The following CEP350 variants were observed in gnomAD, a reference collection of about 807,000 sequenced individuals.
CEP350 encodes centrosomal protein 350, also known as centrosome-associated protein 350.
Under a neutral mutation model 331.8 loss-of-function variants are expected in CEP350, and 126 were observed. The ratio of observed to expected loss-of-function variants is 0.38; its 90% CI spans 0.33 to 0.44. CEP350 has a LOEUF of 0.44. CEP350 is among the 20% of genes least tolerant of loss of function. CEP350 has a pLI of 1.00. For missense variants in CEP350, 3,406 were observed against 3,634.6 expected (o/e 0.94, Z 1.62); for synonymous variants, 1,200 against 1,259.5 (o/e 0.95, Z 1.00).
chr1:180,031,279 C>T, intron 14 of CEP350, 41 bp from the exon 15 acceptor site: 1 of 1,213,744 alleles, frequency 8.2e-7, no homozygotes, highest in Non-Finnish European at 1.2e-6. Context: ...TCAATAACTT[C>T]TAATATTGGG....
At chr1:179,968,918 C>G in intron 1 of CEP350, 1 of 756,492 alleles carries the variant, frequency 1.3e-6, no homozygotes, top group South Asian at 1.3e-5. Context: ...TTGAAGTTTG[C>G]TGCTGCCACT....
chr1:179,956,090 T>C (rs572335286), intron 1 of CEP350, among the ~76,000 whole-genome samples: 2 of 152,352 alleles, frequency 1.3e-5, no homozygotes, highest in East Asian at 3.9e-4. Context: ...TCGTTTAATA[T>C]ATTGTTTTTA....
At chr1:180,018,803 T>C (rs185887781) in intron 11 of CEP350, among the ~76,000 whole-genome samples, 1 of 151,902 alleles carries the variant, frequency 6.6e-6, no homozygotes, top group East Asian at 1.9e-4. Flanking sequence ...GTCATCATCC[T>C]AAAATAATGG....
intron 37 of CEP350, among the ~76,000 whole-genome samples, chr1:180,105,395 C>T (rs1443038432): frequency 6.6e-6 from 1 of 152,068 alleles, no homozygotes; most frequent in East Asian, 1.9e-4. Context: ...ATTCATATCT[C>T]CAGCCTAGGA....
chr1:179,969,016 GT>G lies in CEP350; in HGVS notation c.-14+13877del, dbSNP rs1399676043. ...CTTCCGGGAGCCATGGCTTGTGGTGGTTTGACCACCAGCCTCAAACTGAAGC... is the reference window on the plus strand; with the variant it reads ...CTTCCGGGAGCCATGGCTTGTGGTGGTTGACCACCAGCCTCAAACTGAAGC... On this transcript the variant is annotated intron_variant, in intron 1 of 37. Transcript: ENST00000367607. 6.8e-5 allele frequency: 51 copies of G among 753,212 alleles called. No individual in the cohort carries two copies. The East Asian group carries it at 1.3e-3, about 19-fold the overall frequency. The allele number at this position is 753,212 out of a possible 1,614,324, so 46.7% of individuals were successfully genotyped here.
Position 180,082,699 on chromosome 1 carries a change from A to G in CEP350, c.6125-1319A>G, listed in dbSNP as rs191255092. On this transcript the variant is annotated intron_variant, in intron 30 of 37. Transcript: ENST00000367607. ...AACCCCAGGTTTTTCATCACCTGCT[A>G]TTAAATCTTCAACCATAGATGGTAA... Among the ~76,000 whole-genome samples, 147 of 152,324 alleles carry G rather than the reference A, an allele frequency of 9.7e-4. 1 individual carries two copies. The highest frequency in any genetic ancestry group is 6.7e-3 in the Admixed American group (103 of 15,302).
chr1:180,057,011 G>C (rs1251977287), intron 25 of CEP350, among the ~76,000 whole-genome samples: 3 of 151,084 alleles, frequency 2.0e-5, no homozygotes, highest in African/African-American at 7.3e-5. Context: ...AATTCGATTT[G>C]TTTTCGTTCT....
intron 1 of CEP350, among the ~76,000 whole-genome samples, chr1:179,973,489 T>C (rs990978223): frequency 6.6e-6 from 1 of 152,178 alleles, no homozygotes; most frequent in Admixed American, 6.5e-5. Context: ...TCCAGTAACG[T>C]TTATATGTAT....
chr1:179,969,859 T>G (rs990288238), intron 1 of CEP350, among the ~76,000 whole-genome samples: 3 of 152,144 alleles, frequency 2.0e-5, no homozygotes, highest in Non-Finnish European at 2.9e-5. Context: ...CTCCTTGGAG[T>G]TAACTAATAG....
At chr1:180,018,733 T>G (rs1655126610) in intron 11 of CEP350, among the ~76,000 whole-genome samples, 1 of 152,246 alleles carries the variant, frequency 6.6e-6, no homozygotes, top group Admixed American at 6.5e-5. Flanking sequence ...TGGTCATTTG[T>G]TGGGTCAGCC....
At chr1:179,996,086 C>A (rs1653436686) in intron 5 of CEP350, among the ~76,000 whole-genome samples, 1 of 152,110 alleles carries the variant, frequency 6.6e-6, no homozygotes, top group African/African-American at 2.4e-5. Context: ...CTTTACATAT[C>A]TTTTTCATAT....
Position 179,997,161 on chromosome 1 carries a change from C to T in CEP350, c.1004C>T (p.Ala335Val), listed in dbSNP as rs1229368911. Residue 335 changes from alanine to valine, a missense_variant, in exon 6 of 38, where the codon GCT (alanine) becomes GTT (valine). Ala to Val is a moderately conservative substitution (Grantham distance 64). Transcript: ENST00000367607. ...KVRKVATAPP[A>V]PAYKGFNPSE... ...AGAAAAGTGGCAACAGCACCACCTG[C>T]TCCAGCATATAAAGGTTTGTAATCA... The T allele has an allele frequency of 2.5e-6, 4 of 1,612,906 alleles. No homozygotes were observed. The highest frequency in any genetic ancestry group is 1.7e-5 in the Admixed American group (1 of 59,836).
At chr1:180,056,671 A>AGGCT (rs1657869102) in intron 25 of CEP350, among the ~76,000 whole-genome samples, 1 of 151,910 alleles carries the variant, frequency 6.6e-6, no homozygotes, top group South Asian at 2.1e-4. Context: ...CATGTTACCC[A>AGGCT]GGCTGGTCTT....
At chr1:180,078,364 C>A in intron 28 of CEP350, 99 bp from the exon 29 acceptor site, 2 of 813,288 alleles carry the variant, frequency 2.5e-6, no homozygotes, top group Non-Finnish European at 3.9e-6. Context: ...GACAAAAATG[C>A]AGTAAGTAAT....
chr1:180,038,616 C>A (rs893571247), intron 17 of CEP350, among the ~76,000 whole-genome samples: 2 of 152,000 alleles, frequency 1.3e-5, no homozygotes, highest in Non-Finnish European at 2.9e-5. Context: ...TTGTAATTTG[C>A]GTTTCTCTTA....
At chr1:179,975,817 A>G (rs948681473) in intron 1 of CEP350, among the ~76,000 whole-genome samples, 2 of 152,196 alleles carry the variant, frequency 1.3e-5, no homozygotes, top group African/African-American at 4.8e-5. Flanking sequence ...GAGCTCAGAA[A>G]TAGATCTAAG....
chr1:180,063,967 A>G (rs1658394803), intron 26 of CEP350, among the ~76,000 whole-genome samples: 1 of 152,212 alleles, frequency 6.6e-6, no homozygotes, highest in South Asian at 2.1e-4. Context: ...AAAAAATTCT[A>G]TTATCCTGAG....
At chr1:180,055,866 T>G (rs1657806173) in intron 25 of CEP350, among the ~76,000 whole-genome samples, 1 of 152,116 alleles carries the variant, frequency 6.6e-6, no homozygotes, top group East Asian at 1.9e-4. Flanking sequence ...TTTTAAAAAA[T>G]AAGTTGTGTC....
intron 7 of CEP350, among the ~76,000 whole-genome samples, chr1:180,003,756 A>G (rs1654024019): frequency 6.6e-6 from 1 of 152,198 alleles, no homozygotes; most frequent in South Asian, 2.1e-4. Context: ...GGTAATAGGA[A>G]GGTCATACTA....
Sources: allele counts gnomAD v4.1 joint callset (sites outside exome capture counted in the v4.1 genomes callset), GRCh38; gene constraint gnomAD v4.1.1; transcripts MANE v1.5; gene names NCBI Gene and HGNC (gene_info 2026-07-23, HGNC 2026-07-21).